CAPZB: variants seen among roughly 807,000 people sequenced by gnomAD.
CAPZB encodes the protein F-actin-capping protein subunit beta.
Under a neutral mutation model 38.1 loss-of-function variants are expected in CAPZB, and 2 were observed. The observed-to-expected ratio is 0.05, with a 90% confidence interval of 0.02 to 0.17. The LOEUF is 0.17. Among genes scored for constraint, CAPZB ranks in the 10% least tolerant of loss-of-function variants. The pLI, the probability that CAPZB is intolerant of heterozygous loss-of-function variation, is 1.00. For missense variants in CAPZB, 161 were observed against 334.2 expected (o/e 0.48, Z 4.04); for synonymous variants, 107 against 127.4 (o/e 0.84, Z 1.08).
chr1:19,442,698 T>G (rs750930578), intron 1 of CAPZB, among the ~76,000 whole-genome samples: 1 of 152,194 alleles, frequency 6.6e-6, no homozygotes, highest in Non-Finnish European at 1.5e-5. Flanking sequence ...CCAGCTGCTC[T>G]GAAGGACTGA....
intron 6 of CAPZB, among the ~76,000 whole-genome samples, chr1:19,349,404 G>A (rs752737984): frequency 2.0e-5 from 3 of 152,070 alleles, no homozygotes; most frequent in Non-Finnish European, 4.4e-5. Context: ...CCATGTGGAC[G>A]GCAGATTCCC....
intron 1 of CAPZB, among the ~76,000 whole-genome samples, chr1:19,482,230 G>A (rs1187830850): frequency 1.3e-5 from 2 of 152,204 alleles, no homozygotes; most frequent in African/African-American, 2.4e-5. Context: ...TCAAGCCACT[G>A]ATCACTGCCT....
At position 19,361,493 on chromosome 1, in the gene CAPZB, G is replaced by C. The variant is rs567469842; in HGVS notation, c.330-3930C>G. On this transcript the variant is annotated intron_variant, in intron 4 of 8. Coordinates refer to ENST00000264202, the MANE Select transcript of CAPZB (RefSeq NM_004930.5). ...TTGCCCAGAAGCACCAGCCTCTCCT[G>C]CGAGTGCCATCAGGGCGCTCCGGCA... Among the ~76,000 whole-genome samples the C allele has an allele frequency of 4.1e-4, 62 of 152,360 alleles. 1 individual carries two copies. Among genetic ancestry groups the C allele is most frequent in the African/African-American group, 1.5e-3 (61 of 41,594 alleles).
At chr1:19,484,335 T>G in intron 1 of CAPZB, 1 of 1,578,146 alleles carries the variant, frequency 6.3e-7, no homozygotes, top group South Asian at 1.2e-5. Context: ...GGCCACGGCC[T>G]CACAAGGGCG....
chr1:19,387,213 A>T (rs997914774), intron 2 of CAPZB, among the ~76,000 whole-genome samples: 2 of 152,204 alleles, frequency 1.3e-5, no homozygotes, highest in Non-Finnish European at 2.9e-5. Context: ...CAAGCAGTGG[A>T]GACAGAAAAC....
chr1:19,372,089 CAAG>C (rs2094122350), intron 4 of CAPZB, among the ~76,000 whole-genome samples: 1 of 152,228 alleles, frequency 6.6e-6, no homozygotes, highest in African/African-American at 2.4e-5. Context: ...TTCTTCCAGA[CAAG>C]GAGGGCTGAT....
chr1:19,385,328 G>A (rs1383316563), intron 3 of CAPZB, among the ~76,000 whole-genome samples, 177 bp downstream of exon 3: 6 of 152,192 alleles, frequency 3.9e-5, no homozygotes, highest in South Asian at 4.1e-4. Context: ...CAGATGGAAC[G>A]ATGAGAAGAA....
intron 1 of CAPZB, among the ~76,000 whole-genome samples, chr1:19,435,312 G>A (rs924307872): frequency 6.6e-6 from 1 of 152,188 alleles, no homozygotes; most frequent in Non-Finnish European, 1.5e-5. Context: ...TATGTCTCAA[G>A]AAGAAAGCTG....
At chr1:19,341,276 C>G (rs769480599) in intron 8 of CAPZB, among the ~76,000 whole-genome samples, 4 of 152,162 alleles carry the variant, frequency 2.6e-5, no homozygotes, top group Non-Finnish European at 4.4e-5. Context: ...AAATCTCAGC[C>G]GATTCCCCAG....
At chr1:19,378,990 C>A (rs1017902831) in intron 3 of CAPZB, among the ~76,000 whole-genome samples, 2 of 152,152 alleles carry the variant, frequency 1.3e-5, no homozygotes, top group Non-Finnish European at 2.9e-5. Context: ...ATGAGACAAG[C>A]AGATCAAGCG....
At chr1:19,448,758 C>T (rs867062344) in intron 1 of CAPZB, 2 of 1,538,950 alleles carry the variant, frequency 1.3e-6, no homozygotes, top group East Asian at 2.3e-5. Flanking sequence ...TTCACCCTGG[C>T]AGTTAACATT....
At chr1:19,346,310 T>C (rs1405596552) in intron 6 of CAPZB, among the ~76,000 whole-genome samples, 3 of 151,998 alleles carry the variant, frequency 2.0e-5, no homozygotes, top group Non-Finnish European at 1.5e-5. Context: ...GTAGAAACCA[T>C]GCAAGAAGTG....
Position 19,416,860 on chromosome 1 carries a change from C to CAAAAAAAAAAAAAAAAAA in CAPZB, c.93+2783_93+2800dup, listed in dbSNP as rs59789230. ...TGGGTGACAGAGCAAGACCCTGTCT[C>CAAAAAAAAAAAAAAAAAA]AAAAAAAAAAAAAAAAAAAAAAAAA... On this transcript the variant is annotated intron_variant, in intron 2 of 8. Transcript: ENST00000264202. Among the ~76,000 whole-genome samples the CAAAAAAAAAAAAAAAAAA allele has an allele frequency of 2.3e-4, 16 of 69,438 alleles. 1 individual carries two copies. The highest frequency in any genetic ancestry group is 8.3e-4 in the African/African-American group (14 of 16,800). The allele number at this position is 69,438 out of a possible 152,430, so 45.6% of individuals were successfully genotyped here. A position where few individuals can be genotyped will look rare whatever the true frequency, so the allele number is the denominator to read the frequency against.
chr1:19,413,204 G>A (rs2094364717), intron 2 of CAPZB, among the ~76,000 whole-genome samples: 2 of 152,198 alleles, frequency 1.3e-5, no homozygotes, highest in South Asian at 4.1e-4. Flanking sequence ...ACCCGTGGAG[G>A]AGAAGGCAAG....
intron 4 of CAPZB, among the ~76,000 whole-genome samples, chr1:19,376,680 A>G (rs907579767): frequency 7.9e-5 from 12 of 152,218 alleles, no homozygotes; most frequent in African/African-American, 2.9e-4. Context: ...TATCACTAGC[A>G]GCAATGACTT....
At chr1:19,348,501 G>A (rs537678754) in intron 6 of CAPZB, among the ~76,000 whole-genome samples, 2 of 152,180 alleles carry the variant, frequency 1.3e-5, no homozygotes, top group East Asian at 3.9e-4. Context: ...GGCGGTGGTG[G>A]GTGGGGAGGG....
chr1:19,451,723 TATC>T (rs1326374546), intron 1 of CAPZB, among the ~76,000 whole-genome samples: 1 of 147,550 alleles, frequency 6.8e-6, no homozygotes, highest in Non-Finnish European at 1.5e-5. Context: ...AGTGTGGAAA[TATC>T]AGCCAATAAT....
rs57265709 is a variant in CAPZB at position 19,357,732 on chromosome 1, G to A, written c.330-169C>T. Among the ~76,000 whole-genome samples, 7,065 of 151,986 alleles carry A rather than the reference G, an allele frequency of 0.046. 556 individuals are homozygous for A. Among genetic ancestry groups the A allele is most frequent in the African/African-American group, 0.16 (6,553 of 41,362 alleles). ...TCGTTCTGTGGCTGGGGGAGGGGGT[G>A]CAGCATTCCTGGGGGTGTAGTAGGT... On this transcript the variant is annotated intron_variant, in intron 4 of 8. Transcript: ENST00000264202. This position sits in a 1 kb window ranked among gnomAD's most constrained non-coding sequence, Gnocchi z 4.3.
chr1:19,424,097 C>T (rs2094412728), intron 1 of CAPZB, among the ~76,000 whole-genome samples: 1 of 152,220 alleles, frequency 6.6e-6, no homozygotes, highest in African/African-American at 2.4e-5. Flanking sequence ...CAGGCGTGAG[C>T]CACTGCACCT....
Sources: allele counts gnomAD v4.1 joint callset (sites outside exome capture counted in the v4.1 genomes callset), GRCh38; gene constraint gnomAD v4.1.1; non-coding constraint Gnocchi (gnomAD v3.1); transcripts MANE v1.5; gene names NCBI Gene and HGNC (gene_info 2026-07-23, HGNC 2026-07-21).